Variants in WWOX observed in about 807,000 individuals in gnomAD.
WWOX encodes WW domain-containing oxidoreductase.
In WWOX, 69 loss-of-function variants were observed where a neutral mutation model predicts 46.2. The observed-to-expected ratio is 1.49, with a 90% CI of 1.23 to 1.82. WWOX has a LOEUF of 1.82. WWOX is among the 40% of genes most tolerant of loss of function. The pLI, the probability that WWOX is intolerant of heterozygous loss-of-function variation, is 0.00. For synonymous variants in WWOX, 359 were observed against 202.6 expected (o/e 1.77, Z -6.56); for missense variants, 919 against 542.6 (o/e 1.69, Z -6.89).
chr16:79,104,615 G>A (rs1304286437), intron 8 of WWOX, among the ~76,000 whole-genome samples: 1 of 152,136 alleles, frequency 6.6e-6, no homozygotes, highest in Non-Finnish European at 1.5e-5. Context: ...GCAGATAGAT[G>A]CACATATGTA....
At chr16:78,448,854 G>A (rs953794006) in intron 8 of WWOX, among the ~76,000 whole-genome samples, 2 of 152,054 alleles carry the variant, frequency 1.3e-5, no homozygotes, top group African/African-American at 4.8e-5. Flanking sequence ...CAACTGTCTT[G>A]GCGCTGGTGA....
chr16:78,496,873 G>C (rs1038178265), intron 8 of WWOX, among the ~76,000 whole-genome samples: 1 of 152,218 alleles, frequency 6.6e-6, no homozygotes, highest in Non-Finnish European at 1.5e-5. Context: ...TGGAAGGAGA[G>C]GAATGAATGA....
chr16:78,811,931 G>C (rs1193641793), intron 8 of WWOX, among the ~76,000 whole-genome samples: 5 of 152,160 alleles, frequency 3.3e-5, no homozygotes, highest in African/African-American at 9.6e-5. Context: ...GGGTTCTTTT[G>C]AGGAATAAAT....
intron 8 of WWOX, among the ~76,000 whole-genome samples, chr16:78,590,513 G>T (rs1372498545): frequency 1.3e-5 from 2 of 152,186 alleles, no homozygotes; most frequent in East Asian, 1.9e-4. Context: ...GGTTTTTAGG[G>T]AGCAGATTAG....
At chr16:78,883,307 C>T (rs1597102711) in intron 8 of WWOX, among the ~76,000 whole-genome samples, 2 of 152,266 alleles carry the variant, frequency 1.3e-5, no homozygotes, top group African/African-American at 2.4e-5. Flanking sequence ...AGAGATGAAA[C>T]CCTAAATGCC....
intron 8 of WWOX, among the ~76,000 whole-genome samples, chr16:78,819,154 G>C (rs748685017): frequency 6.6e-6 from 1 of 152,202 alleles, no homozygotes; most frequent in East Asian, 1.9e-4. Flanking sequence ...CTGCTGTTCA[G>C]TTCACTTCTT....
intron 8 of WWOX, among the ~76,000 whole-genome samples, chr16:79,192,526 G>A (rs190097812): frequency 2.6e-4 from 40 of 152,292 alleles, no homozygotes; most frequent in Admixed American, 2.6e-3. Context: ...AAAGATGTGA[G>A]GTTGTACCTG....
At chr16:79,080,049 T>C (rs560106445) in intron 8 of WWOX, among the ~76,000 whole-genome samples, 100 of 152,326 alleles carry the variant, frequency 6.6e-4, no homozygotes, top group Non-Finnish European at 1.2e-3. Flanking sequence ...TATAGCAGGA[T>C]ATACAAAACA....
intron 6 of WWOX, among the ~76,000 whole-genome samples, chr16:78,399,921 A>G (rs1398225132): frequency 6.6e-6 from 1 of 152,192 alleles, no homozygotes; most frequent in African/African-American, 2.4e-5. Flanking sequence ...TTGAATATAC[A>G]TTTGAATAAA....
At chr16:78,822,410 C>T (rs573982127) in intron 8 of WWOX, among the ~76,000 whole-genome samples, 15 of 152,126 alleles carry the variant, frequency 9.9e-5, no homozygotes, top group African/African-American at 3.6e-4. Flanking sequence ...AGGAGAATGG[C>T]TTGAACCCAG....
intron 8 of WWOX, among the ~76,000 whole-genome samples, chr16:78,546,979 T>A (rs1342418667): frequency 6.6e-6 from 1 of 151,396 alleles, no homozygotes; most frequent in Admixed American, 6.6e-5. Flanking sequence ...ATAGAAAAAA[T>A]TAGCTGGGCA....
intron 8 of WWOX, among the ~76,000 whole-genome samples, chr16:78,558,242 T>C (rs751445726): frequency 2.6e-5 from 4 of 152,208 alleles, no homozygotes; most frequent in Non-Finnish European, 5.9e-5. Context: ...AGTAAGAAAA[T>C]TTCTAGTGCC....
At chr16:78,883,222 C>A (rs1490952064) in intron 8 of WWOX, among the ~76,000 whole-genome samples, 1 of 152,174 alleles carries the variant, frequency 6.6e-6, no homozygotes, top group East Asian at 1.9e-4. Flanking sequence ...GTAGCCTCCC[C>A]TCTTAAGCTT....
At chr16:78,978,725 CACTT>C (rs1390544610) in intron 8 of WWOX, among the ~76,000 whole-genome samples, 1 of 152,128 alleles carries the variant, frequency 6.6e-6, no homozygotes, top group Non-Finnish European at 1.5e-5. Flanking sequence ...AGGCGCTACA[CACTT>C]TTCAACCACC....
intron 8 of WWOX, among the ~76,000 whole-genome samples, chr16:78,924,051 C>T (rs888940584): frequency 3.3e-5 from 5 of 151,880 alleles, no homozygotes; most frequent in East Asian, 1.9e-4. Flanking sequence ...ATCCTGATTT[C>T]GTGATTCCAC....
At chr16:78,415,067 A>G (rs886958964) in intron 6 of WWOX, among the ~76,000 whole-genome samples, 1 of 148,364 alleles carries the variant, frequency 6.7e-6, no homozygotes, top group Non-Finnish European at 1.5e-5. Flanking sequence ...TAGCTATAAT[A>G]TATTTTAATA....
chr16:78,787,864 C>T (rs771356639), intron 8 of WWOX, among the ~76,000 whole-genome samples: 5 of 152,008 alleles, frequency 3.3e-5, no homozygotes, highest in African/African-American at 4.8e-5. Flanking sequence ...GAAATTGTAT[C>T]GTGGTTTTGA....
chr16:78,661,520 A>G (rs940683912), intron 8 of WWOX, among the ~76,000 whole-genome samples: 15 of 152,112 alleles, frequency 9.9e-5, no homozygotes, highest in African/African-American at 3.4e-4. Context: ...TTAAACATTT[A>G]TGATTTAGCT....
At chr16:78,874,257 A>G (rs1476225546) in intron 8 of WWOX, among the ~76,000 whole-genome samples, 2 of 146,928 alleles carry the variant, frequency 1.4e-5, no homozygotes, top group Admixed American at 1.4e-4. Flanking sequence ...CTCTGTCTCA[A>G]AAAAAAAAAA....
Sources: gnomAD v4.1 joint callset for allele counts (sites outside exome capture counted in the v4.1 genomes callset) on GRCh38, gnomAD v4.1.1 for gene constraint, MANE v1.5 for transcripts, NCBI Gene and HGNC (gene_info 2026-07-23, HGNC 2026-07-21) for gene names.